CTNNA3: variants seen among roughly 807,000 people sequenced by gnomAD.
CTNNA3 encodes catenin alpha 3.
In CTNNA3, 76 loss-of-function variants were observed where a neutral mutation model predicts 95.7. The ratio of observed to expected loss-of-function variants is 0.79; its 90% CI spans 0.66 to 0.96. The LOEUF is 0.96. CTNNA3 is among the 40% of genes least tolerant of loss of function. CTNNA3 has a pLI of 0.00. For missense variants in CTNNA3, 1,191 were observed against 1,089.8 expected, an observed-to-expected ratio of 1.09 and a Z score of -1.31; for synonymous variants, 431 against 374.4, an observed-to-expected ratio of 1.15 and a Z score of -1.74.
chr10:66,339,331 A>T (rs2092429397), intron 12 of CTNNA3, among the ~76,000 whole-genome samples: 1 of 151,844 alleles, frequency 6.6e-6, no homozygotes, highest in African/African-American at 2.4e-5. Context: ...AAGGAGAGAA[A>T]AATATGGTAC....
At chr10:67,624,192 T>C (rs1843945423) in intron 2 of CTNNA3, among the ~76,000 whole-genome samples, 1 of 152,148 alleles carries the variant, frequency 6.6e-6, no homozygotes, top group Non-Finnish European at 1.5e-5. Flanking sequence ...TACTCCCTAA[T>C]CTGCCTAATG....
At chr10:66,874,048 G>A (rs973145161) in intron 7 of CTNNA3, among the ~76,000 whole-genome samples, 1 of 152,090 alleles carries the variant, frequency 6.6e-6, no homozygotes, top group Non-Finnish European at 1.5e-5. Flanking sequence ...GGACGTTTGG[G>A]TGGGAGCCTC....
chr10:67,063,963 C>A lies in CTNNA3; in HGVS notation c.1047+116354G>T, dbSNP rs556385290. Among the ~76,000 whole-genome samples the A allele has an allele frequency of 3.3e-5, 5 of 152,278 alleles. No homozygotes were observed. The South Asian group carries it at 1.0e-3, about 32-fold the overall frequency. On this transcript the variant is annotated intron_variant, in intron 7 of 17. Transcript: ENST00000433211. ...ACACACACTCGTCAGCTAATCAACA[C>A]AACAAAAGTAACACAGTCAGTTGGA...
intron 15 of CTNNA3, among the ~76,000 whole-genome samples, chr10:66,022,598 GACACACAC>G (rs34537265): frequency 2.2e-3 from 335 of 149,482 alleles, no homozygotes; most frequent in African/African-American, 6.6e-3. Flanking sequence ...ATATGCACAT[GACACACAC>G]ACACACACAC....
intron 11 of CTNNA3, among the ~76,000 whole-genome samples, chr10:66,426,459 T>C (rs982129934): frequency 3.3e-5 from 5 of 152,126 alleles, no homozygotes; most frequent in African/African-American, 9.6e-5. Flanking sequence ...TATTTGTGGA[T>C]TGTAAACTCC....
intron 7 of CTNNA3, among the ~76,000 whole-genome samples, chr10:66,793,468 G>A (rs1023476166): frequency 4.0e-5 from 6 of 151,894 alleles, no homozygotes; most frequent in Non-Finnish European, 7.4e-5. Flanking sequence ...CCATGAAACT[G>A]GCTTCCAATA....
At chr10:66,899,869 C>T (rs1177713830) in intron 7 of CTNNA3, among the ~76,000 whole-genome samples, 3 of 152,114 alleles carry the variant, frequency 2.0e-5, no homozygotes, top group African/African-American at 7.2e-5. Context: ...GAGCGGAGCC[C>T]ACCGCAGCTC....
intron 7 of CTNNA3, among the ~76,000 whole-genome samples, chr10:66,942,436 T>C (rs890214058): frequency 2.0e-5 from 3 of 152,144 alleles, no homozygotes; most frequent in African/African-American, 7.2e-5. Context: ...AAAAATTCTG[T>C]TGTTAGTATT....
intron 11 of CTNNA3, among the ~76,000 whole-genome samples, chr10:66,500,961 T>C (rs538991526): frequency 1.3e-5 from 2 of 152,316 alleles, no homozygotes; most frequent in African/African-American, 4.8e-5. Context: ...ATAGTTATAT[T>C]CTACTGTTAG....
intron 7 of CTNNA3, among the ~76,000 whole-genome samples, chr10:67,071,454 A>G (rs1455820953): frequency 6.7e-6 from 1 of 150,060 alleles, no homozygotes; most frequent in African/African-American, 2.5e-5. Flanking sequence ...TTATCTTCTC[A>G]CTTCTTTTGT....
intron 7 of CTNNA3, among the ~76,000 whole-genome samples, chr10:67,043,206 C>G (rs1299526900): frequency 6.8e-6 from 1 of 146,218 alleles, no homozygotes; most frequent in African/African-American, 2.5e-5. Context: ...AGCTCACATA[C>G]TTGAAGTGTG....
In CTNNA3 at chr10:67,250,312, T is replaced by C. The variant is rs1039252747; in HGVS notation, c.580-30442A>G. ...CTCACTGCCACCTCCACCTCCCAGG[T>C]TCACGTCATTCTCCTGCCTCAGCCT... On this transcript the variant is annotated intron_variant, in intron 5 of 17. Coordinates refer to ENST00000433211, the MANE Select transcript of CTNNA3 (RefSeq NM_013266.4). Among the ~76,000 whole-genome samples the C allele has an allele frequency of 2.0e-5, 3 of 151,752 alleles. No individual in the cohort carries two copies. The East Asian group carries it at 5.8e-4, about 29-fold the overall frequency.
rs543701963 is a variant in CTNNA3 at position 66,615,927 on chromosome 10, A to T, written c.1374+5765T>A. Among the ~76,000 whole-genome samples, 5 of 152,178 alleles carry T rather than the reference A, an allele frequency of 3.3e-5. No individual in the cohort carries two copies. In the South Asian group the frequency reaches 1.0e-3, roughly 32 times the overall value. On this transcript the variant is annotated intron_variant, in intron 10 of 17. Transcript: ENST00000433211. Reference sequence around the variant, plus strand: ...AATTTCAGCTTATGAGTTTTCAAACATTAGACCATTCTACCTTTCTCAGTT... The same window carrying T: ...AATTTCAGCTTATGAGTTTTCAAACTTTAGACCATTCTACCTTTCTCAGTT...
intron 1 of CTNNA3, among the ~76,000 whole-genome samples, chr10:67,661,791 C>A (rs1250492340): frequency 6.6e-6 from 1 of 152,070 alleles, no homozygotes; most frequent in African/African-American, 2.4e-5. Flanking sequence ...AAATGTTCAA[C>A]ATCATTAGTC....
At chr10:66,301,314 ACTCATT>A (rs1390121285) in intron 12 of CTNNA3, among the ~76,000 whole-genome samples, 4 of 152,012 alleles carry the variant, frequency 2.6e-5, no homozygotes, top group Non-Finnish European at 2.9e-5. Context: ...ATACTTTCCA[ACTCATT>A]CTATGAGGCC....
chr10:66,582,515 T>C (rs1310098951), intron 10 of CTNNA3, among the ~76,000 whole-genome samples: 1 of 151,816 alleles, frequency 6.6e-6, no homozygotes, highest in South Asian at 2.1e-4. Flanking sequence ...TGAATTCATT[T>C]ATCAGATCTA....
intron 12 of CTNNA3, among the ~76,000 whole-genome samples, chr10:66,287,996 T>C (rs2091618934): frequency 6.6e-6 from 1 of 152,032 alleles, no homozygotes; most frequent in Admixed American, 6.6e-5. Context: ...AACAGGGAGG[T>C]ACTGCTAAGG....
At chr10:67,431,816 G>A (rs981118731) in intron 5 of CTNNA3, among the ~76,000 whole-genome samples, 6 of 151,816 alleles carry the variant, frequency 4.0e-5, no homozygotes, top group East Asian at 1.9e-4. Context: ...AATCAAACAG[G>A]AGCCTTTCCA....
intron 3 of CTNNA3, among the ~76,000 whole-genome samples, chr10:67,569,529 G>T (rs181510677): frequency 4.6e-5 from 7 of 152,286 alleles, no homozygotes; most frequent in Admixed American, 3.9e-4. Flanking sequence ...AGCTGGTAAA[G>T]AGTCTGAAAT....
Sources: allele counts gnomAD v4.1 joint callset (sites outside exome capture counted in the v4.1 genomes callset), GRCh38; gene constraint gnomAD v4.1.1; transcripts MANE v1.5; gene names NCBI Gene and HGNC (gene_info 2026-07-23, HGNC 2026-07-21).